Variants in LGSN observed in about 807,000 individuals in gnomAD.
LGSN encodes lengsin.
In LGSN, 21 loss-of-function variants were observed where a neutral mutation model predicts 19.5. That is an observed-to-expected ratio of 1.07 (90% CI 0.76 to 1.55). The LOEUF (loss-of-function observed/expected upper bound fraction) is 1.55. Among genes scored for constraint, LGSN ranks in the 40% most tolerant of loss-of-function variants. The probability of loss-of-function intolerance (pLI) is 0.00; values close to 1 mark genes in which losing one functional copy is unlikely to be tolerated. For missense variants in LGSN, 673 were observed against 608.5 expected (o/e 1.11, Z -1.12); for synonymous variants, 257 against 215.6 (o/e 1.19, Z -1.68).
the LGSN span, chr6:63,549,037 C>T: frequency 6.9e-6 from 5 of 726,080 alleles, no homozygotes; most frequent in Non-Finnish European, 1.3e-5. Context: ...ACGTCGTGTG[C>T]AATCACCACC....
the LGSN span, among the ~76,000 whole-genome samples, chr6:63,534,192 A>G: frequency 6.6e-6 from 1 of 152,102 alleles, no homozygotes; most frequent in African/African-American, 2.4e-5. Flanking sequence ...CAAATTGAAC[A>G]CACATCAGAA....
At chr6:63,412,411 GAAAGAA>G in the LGSN span, among the ~76,000 whole-genome samples, 1 of 114,216 alleles carries the variant, frequency 8.8e-6, no homozygotes, top group African/African-American at 4.2e-5. Flanking sequence ...AAGAAAGAAA[GAAAGAA>G]GAAAGAAAGA....
chr6:63,368,247 T>C, the LGSN span, among the ~76,000 whole-genome samples: 1 of 152,146 alleles, frequency 6.6e-6, no homozygotes, highest in Non-Finnish European at 1.5e-5. Flanking sequence ...AATCATGGCA[T>C]TTCCTGGGGA....
chr6:63,473,285 CA>C, the LGSN span, among the ~76,000 whole-genome samples: 3 of 151,442 alleles, frequency 2.0e-5, no homozygotes, highest in Non-Finnish European at 4.4e-5. Context: ...GCAGCCTGGG[CA>C]ACATGGCAAA....
the LGSN span, among the ~76,000 whole-genome samples, chr6:63,411,804 C>G: frequency 2.4e-4 from 36 of 152,110 alleles, no homozygotes; most frequent in East Asian, 6.4e-3. Context: ...TCATGATGGT[C>G]CCCCTGCACT....
At chr6:63,441,626 C>G in the LGSN span, 3 of 465,036 alleles carry the variant, frequency 6.5e-6, no homozygotes, top group South Asian at 1.8e-5. Flanking sequence ...AGAGGAAATG[C>G]GGAAGCGGGA....
At chr6:63,439,894 T>C in the LGSN span, among the ~76,000 whole-genome samples, 1 of 152,256 alleles carries the variant, frequency 6.6e-6, no homozygotes, top group Admixed American at 6.5e-5. Context: ...TTCTTTTATG[T>C]TTCTATAGCC....
chr6:63,466,512 G>A, the LGSN span, among the ~76,000 whole-genome samples: 4 of 152,300 alleles, frequency 2.6e-5, no homozygotes, highest in South Asian at 8.3e-4. Flanking sequence ...GAGAAACACA[G>A]CACCAGAAAA....
At chr6:63,357,868 T>A in the LGSN span, among the ~76,000 whole-genome samples, 1 of 152,168 alleles carries the variant, frequency 6.6e-6, no homozygotes, top group Non-Finnish European at 1.5e-5. Flanking sequence ...TGGCTTTTGT[T>A]GCCATTGCTT....
intron 2 of LGSN, among the ~76,000 whole-genome samples, chr6:63,291,104 G>A (rs1163524995): frequency 6.6e-6 from 1 of 152,188 alleles, no homozygotes; most frequent in Non-Finnish European, 1.5e-5. Context: ...ACAGGGACAT[G>A]ACTCATTTAC....
the LGSN span, among the ~76,000 whole-genome samples, chr6:63,512,186 G>A: frequency 9.2e-5 from 14 of 151,900 alleles, no homozygotes; most frequent in African/African-American, 2.9e-4. Flanking sequence ...GGGTTCAAGC[G>A]ATTCTCCTGC....
chr6:63,463,759 T>G, the LGSN span, among the ~76,000 whole-genome samples: 1 of 152,180 alleles, frequency 6.6e-6, no homozygotes, highest in Non-Finnish European at 1.5e-5. Context: ...ATTTAGTTAA[T>G]GACATATGTG....
At chr6:63,401,484 A>C in the LGSN span, among the ~76,000 whole-genome samples, 2 of 152,214 alleles carry the variant, frequency 1.3e-5, no homozygotes, top group African/African-American at 4.8e-5. Flanking sequence ...ACAAGGTTAT[A>C]ACCATCACAA....
chr6:63,344,004 G>A, the LGSN span, among the ~76,000 whole-genome samples: 1 of 151,970 alleles, frequency 6.6e-6, no homozygotes, highest in African/African-American at 2.4e-5. Flanking sequence ...TCCTACAGAT[G>A]GAAGCCACAT....
chr6:63,461,074 G>A, the LGSN span, among the ~76,000 whole-genome samples: 2 of 152,064 alleles, frequency 1.3e-5, no homozygotes, highest in African/African-American at 4.8e-5. Flanking sequence ...GGTTTTTTGG[G>A]TTTTTTCCCC....
chr6:63,461,498 A>C, the LGSN span, among the ~76,000 whole-genome samples: 1 of 152,208 alleles, frequency 6.6e-6, no homozygotes, highest in Admixed American at 6.5e-5. Flanking sequence ...CTTGCACATC[A>C]ACATTGTGAA....
At chr6:63,443,159 G>A in the LGSN span, among the ~76,000 whole-genome samples, 4 of 152,344 alleles carry the variant, frequency 2.6e-5, no homozygotes, top group South Asian at 6.2e-4. Flanking sequence ...TGGGGGACCC[G>A]GTGCCCCCTC....
chr6:63,420,988 T>G, the LGSN span, among the ~76,000 whole-genome samples: 3 of 152,080 alleles, frequency 2.0e-5, no homozygotes, highest in East Asian at 5.8e-4. Flanking sequence ...AATACAGTAT[T>G]TGAAACAAAA....
chr6:63,557,390 AC>A, the LGSN span, among the ~76,000 whole-genome samples: 1 of 152,044 alleles, frequency 6.6e-6, no homozygotes, highest in South Asian at 2.1e-4. Context: ...ACATGGTGAA[AC>A]CCTGTCTCTA....
Sources: allele counts gnomAD v4.1 joint callset (sites outside exome capture counted in the v4.1 genomes callset), GRCh38; gene constraint gnomAD v4.1.1; transcripts MANE v1.5; gene names NCBI Gene and HGNC (gene_info 2026-07-23, HGNC 2026-07-21).